The following PCYOX1L variants were observed in gnomAD, a reference collection of about 807,000 sequenced individuals.
PCYOX1L encodes the protein prenylcysteine oxidase 1-like.
A neutral mutation model predicts 44.1 loss-of-function variants in PCYOX1L; 40 were observed. The ratio of observed to expected loss-of-function variants is 0.91; its 90% confidence interval spans 0.70 to 1.18. The LOEUF is 1.18. Among genes scored for constraint, PCYOX1L ranks in the 50% most tolerant of loss-of-function variants. The pLI, the probability that PCYOX1L is intolerant of heterozygous loss-of-function variation, is 0.00. For synonymous variants in PCYOX1L, 266 were observed against 282.8 expected (o/e 0.94, Z 0.60); for missense variants, 605 against 653.3 (o/e 0.93, Z 0.81).
intron 5 of PCYOX1L, 45 bp from the exon 6 acceptor site, chr5:149,367,948 G>A (rs1758275051): frequency 1.3e-6 from 2 of 1,517,504 alleles, no homozygotes; most frequent in South Asian, 2.7e-5. Context: ...AGTTCAGTGG[G>A]TAGAAGCCAA....
intron 3 of PCYOX1L, chr5:149,365,116 T>C (rs1758155866): frequency 6.6e-6 from 1 of 152,410 alleles, no homozygotes; most frequent in Admixed American, 6.5e-5. Context: ...TTCTTCCTTA[T>C]ATTCTCCAGA....
At chr5:149,359,434 G>A (rs1438985539) in intron 1 of PCYOX1L, among the ~76,000 whole-genome samples, 1 of 152,238 alleles carries the variant, frequency 6.6e-6, no homozygotes, top group East Asian at 1.9e-4. Context: ...TCATGGAGAA[G>A]GTGGAGTTTG....
At position 149,358,073 on chromosome 5, in the gene PCYOX1L, C is replaced by T. The variant is rs1329729946; in HGVS notation, c.5C>T (p.Ala2Val). Reference protein sequence around the residue: MARAAPLLAALT... With the variant: MVRAAPLLAALT... ...GCTGCCCGCTCGCCGCCCGCCATGG[C>T]CCGCGCAGCCCCGCTGCTCGCCGCG... Residue 2 changes from alanine to valine, a missense_variant, in exon 1 of 6, where the codon GCC becomes GTC. By Grantham distance (64) the Ala-to-Val change is moderately conservative. Coordinates refer to ENST00000274569, the MANE Select transcript of PCYOX1L (RefSeq NM_024028.4). 3.6e-6 allele frequency: 5 copies of T among 1,384,296 alleles called. No individual in the cohort carries two copies. In the African/African-American group the frequency reaches 6.1e-5, roughly 17 times the overall value. 85.8% of individuals were successfully genotyped at this position (1,384,296 alleles called of 1,614,324 possible). A position where few individuals can be genotyped will look rare whatever the true frequency, so the allele number is the denominator to read the frequency against.
In PCYOX1L at chr5:149,367,443, C is replaced by T; in HGVS notation, c.766C>T (p.Leu256Phe). The T allele has an allele frequency of 6.2e-7, 1 of 1,613,926 alleles. No homozygotes were observed. The highest frequency in any genetic ancestry group is 8.5e-7 in the Non-Finnish European group (1 of 1,179,890). Residue 256 changes from leucine (L) to phenylalanine (F), a missense_variant, in exon 5 of 6, where the codon CTC (leucine) becomes TTC (phenylalanine). Leu to Phe is a conservative substitution (Grantham distance 22). Coordinates refer to ENST00000274569, the MANE Select transcript of PCYOX1L (RefSeq NM_024028.4). ...GCTGGTTTGTTCCGGTTTGCTGAAG[C>T]TCACCAAGGCCAATGTGATCCATGC... ...NKLVCSGLLK[L>F]TKANVIHATV...
rs1016224447 is a variant in PCYOX1L at position 149,368,076 on chromosome 5, C to T, written c.907C>T (p.Pro303Ser). Residue 303 changes from proline to serine, a missense_variant, in exon 6 of 6, where the codon CCC (proline) becomes TCC (serine). Transcript: ENST00000274569. ...CTATGACATCGTGGTCATCGCCACC[C>T]CCCTGCACCTGGACAACAGCAGCAG... ...DFYDIVVIAT[P>S]LHLDNSSSNL... 2 of 1,607,402 alleles carry T rather than the reference C, an allele frequency of 1.2e-6. No homozygotes were observed. The highest frequency in any genetic ancestry group is 2.7e-5 in the African/African-American group (2 of 74,810).
chr5:149,362,389 C>G (rs1247834612), intron 1 of PCYOX1L: 2 of 525,848 alleles, frequency 3.8e-6, no homozygotes, highest in African/African-American at 3.8e-5. Context: ...CTTTGCTGGT[C>G]TTTTGCTGCA....
rs762871005 is a variant in PCYOX1L at position 149,364,228 on chromosome 5, G to A, written c.470+18G>A. The A allele has an allele frequency of 5.0e-6, 8 of 1,613,078 alleles. No individual in the cohort carries two copies. The highest frequency in any genetic ancestry group is 1.7e-5 in the Admixed American group (1 of 60,016). On this transcript the variant is annotated intron_variant, in intron 3 of 5. Transcript: ENST00000274569. Reference sequence around the variant, plus strand: ...TTCATGAGGTAGGGCTGGCAGAGCTGTGGGGATGGCGTTCCAGGGGAACCG... The same window carrying A: ...TTCATGAGGTAGGGCTGGCAGAGCTATGGGGATGGCGTTCCAGGGGAACCG...
Position 149,367,423 on chromosome 5 carries a change from T to C in PCYOX1L, c.746T>C (p.Val249Ala), listed in dbSNP as rs142537559. The C allele has an allele frequency of 2.3e-5, 37 of 1,613,734 alleles. No individual in the cohort carries two copies. The African/African-American group carries it at 4.4e-4, about 19-fold the overall frequency. ...TCTGTGGAAGGAGGCAATAAGCTGG[T>C]TTGTTCCGGTTTGCTGAAGCTCACC... is the stretch of plus-strand genomic sequence containing the variant. ...LWSVEGGNKLVCSGLLKLTKA... is the reference protein window; with the variant it reads ...LWSVEGGNKLACSGLLKLTKA... The change falls in exon 5 of 6, where the codon GTT (valine) becomes GCT (alanine). Residue 249 changes from valine (V) to alanine (A), a missense_variant. Val to Ala is a moderately conservative substitution (Grantham distance 64, BLOSUM62 0). Transcript: ENST00000274569.
intron 4 of PCYOX1L, among the ~76,000 whole-genome samples, 169 bp downstream of exon 4, chr5:149,366,322 A>C (rs982693120): frequency 6.6e-6 from 1 of 152,198 alleles, no homozygotes; most frequent in Admixed American, 6.5e-5. Flanking sequence ...AGTTGGCAGG[A>C]GATAGTATCA....
At position 149,366,053 on chromosome 5, in the gene PCYOX1L, C is replaced by G; in HGVS notation, c.582C>G (p.Ser194=). The G allele has an allele frequency of 1.2e-6, 2 of 1,614,236 alleles. No homozygotes were observed. The highest frequency in any genetic ancestry group is 3.3e-5 in the Admixed American group (2 of 60,030). ...TGACCCAGCACTCTGTGGCTGAGTC[C>G]CTGCTGCAGGTGGGCGTCACGCAGC... ...VNMTQHSVAE[S]LLQVGVTQRF... is the part of the protein sequence containing the mutation. Residue 194 remains serine, a synonymous_variant, in exon 4 of 6, where the codon TCC becomes TCG. Transcript: ENST00000274569.
chr5:149,363,791 ATTTCCCT>A, intron 2 of PCYOX1L: 1 of 489,970 alleles, frequency 2.0e-6, no homozygotes, highest in South Asian at 2.7e-5. Flanking sequence ...TAAAATCTGA[ATTTCCCT>A]CACTTGTGGA....
chr5:149,361,384 T>G (rs1374022629), intron 1 of PCYOX1L, among the ~76,000 whole-genome samples: 1 of 152,068 alleles, frequency 6.6e-6, no homozygotes, highest in Non-Finnish European at 1.5e-5. Context: ...AAAAAACTGA[T>G]TGATGTCTGT....
intron 3 of PCYOX1L, chr5:149,364,428 T>G: frequency 1.8e-6 from 1 of 551,776 alleles, no homozygotes; most frequent in Non-Finnish European, 3.2e-6. Flanking sequence ...TCTCATTTTC[T>G]TACCCTCTAC....
intron 1 of PCYOX1L, among the ~76,000 whole-genome samples, chr5:149,358,707 G>A (rs1010531872): frequency 1.3e-5 from 2 of 152,268 alleles, no homozygotes. Flanking sequence ...ATAGGAGACA[G>A]TCCTGGCAGA....
At chr5:149,362,935 A>C in intron 2 of PCYOX1L, 92 bp downstream of exon 2, 1 of 1,389,468 alleles carries the variant, frequency 7.2e-7, no homozygotes, top group Non-Finnish European at 1.0e-6. Context: ...CATCAAGGCC[A>C]GAAGGTCATG....
At chr5:149,364,417 C>T (rs1758130682) in intron 3 of PCYOX1L, 2 of 572,018 alleles carry the variant, frequency 3.5e-6, no homozygotes, top group East Asian at 6.0e-5. Flanking sequence ...GTCACATTGA[C>T]TCTCATTTTC....
At chr5:149,363,905 A>T in intron 2 of PCYOX1L, 131 bp from the exon 3 acceptor site, 1 of 973,264 alleles carries the variant, frequency 1.0e-6, no homozygotes, top group Non-Finnish European at 1.5e-6. Flanking sequence ...GCATCTGTTT[A>T]CTGTTTATTA....
Position 149,366,024 on chromosome 5 carries a change from A to G in PCYOX1L, c.553A>G (p.Asn185Asp). The change falls in exon 4 of 6, where the codon AAC becomes GAC. Residue 185 changes from asparagine (N) to aspartate (D), a missense_variant. Transcript: ENST00000274569. ...LYSLGESTFV[N>D]MTQHSVAESL... ...CTCACTGGGGGAGTCCACCTTTGTT[A>G]ACATGACCCAGCACTCTGTGGCTGA... 6.2e-7 allele frequency: 1 copy of G among 1,614,202 alleles called. No individual in the cohort carries two copies.
intron 1 of PCYOX1L, 154 bp from the exon 2 acceptor site, chr5:149,362,483 A>T: frequency 1.4e-6 from 1 of 733,198 alleles, no homozygotes; most frequent in South Asian, 1.8e-5. Context: ...TCTACTGACA[A>T]CTCAGTCCGC....
Sources: allele counts gnomAD v4.1 joint callset (sites outside exome capture counted in the v4.1 genomes callset), GRCh38; gene constraint gnomAD v4.1.1; transcripts MANE v1.5; gene names NCBI Gene and HGNC (gene_info 2026-07-23, HGNC 2026-07-21).